Variants in MUL1 observed in about 807,000 individuals in gnomAD.
MUL1 encodes mitochondrial E3 ubiquitin protein ligase 1.
MUL1 carries 30 observed loss-of-function variants against 34.1 expected under a neutral mutation model. The observed-to-expected ratio is 0.88, with a 90% CI of 0.66 to 1.19. The LOEUF is 1.19. MUL1 is among the 50% of genes most tolerant of loss of function. The probability of loss-of-function intolerance (pLI) is 0.00; values close to 1 mark genes in which losing one functional copy is unlikely to be tolerated. For synonymous variants in MUL1, 191 were observed against 187.8 expected, an observed-to-expected ratio of 1.02 and a Z score of -0.14; for missense variants, 419 against 450.5, an observed-to-expected ratio of 0.93 and a Z score of 0.63.
chr1:20,501,080 G>C lies in MUL1; in HGVS notation c.669C>G (p.Ser223Arg), dbSNP rs2051654003. The change falls in exon 4 of 4, where the codon AGC becomes AGG. Residue 223 changes from serine (S) to arginine (R), a missense_variant. By Grantham distance (110) the Ser-to-Arg change is moderately radical (BLOSUM62 -1). Transcript: ENST00000264198. The surrounding 1 kb of genome is among the most constrained non-coding windows in gnomAD (Gnocchi z 4.2). Reference protein sequence around the residue: ...PKQGMQYYLSSQDFDSLLQRQ... With the variant: ...PKQGMQYYLSRQDFDSLLQRQ... ...TCTGCAGCAGGCTGTCGAAGTCCTG[G>C]CTGCTTAGATAGTACTGCATGCCTT... 6.2e-7 allele frequency: 1 copy of C among 1,614,156 alleles called. No homozygotes were observed. The highest frequency in any genetic ancestry group is 8.5e-7 in the Non-Finnish European group (1 of 1,180,044).
chr1:20,507,473 T>A (rs1189174771), intron 1 of MUL1, among the ~76,000 whole-genome samples: 1 of 152,168 alleles, frequency 6.6e-6, no homozygotes, highest in East Asian at 1.9e-4. Context: ...TCCCCCTTTC[T>A]CCAGCATTCC....
Position 20,500,961 on chromosome 1 carries a change from T to TA in MUL1, c.787dup (p.Tyr263LeufsTer21), listed in dbSNP as rs1380833532. On this transcript the variant is annotated frameshift_variant, in exon 4 of 4. Transcript: ENST00000264198. LOFTEE classifies it high-confidence loss of function. ...GCGCAGGCGCTCCTGCCGCTGCAGA[T>TA]ACTGCTTCCGGAGAATGAAGAAGAG... is the stretch of plus-strand genomic sequence containing the variant. 3 of 1,613,982 alleles carry TA rather than the reference T, an allele frequency of 1.9e-6. No individual in the cohort carries two copies. The highest frequency in any genetic ancestry group is 2.5e-6 in the Non-Finnish European group (3 of 1,180,054).
At chr1:20,507,464 C>G (rs146336123) in intron 1 of MUL1, among the ~76,000 whole-genome samples, 2 of 152,150 alleles carry the variant, frequency 1.3e-5, no homozygotes, top group Admixed American at 6.5e-5. Flanking sequence ...GATAGGAGAT[C>G]CCCCTTTCTC....
chr1:20,503,228 T>A lies in MUL1; in HGVS notation c.202A>T (p.Ile68Leu). Residue 68 changes from isoleucine to leucine, a missense_variant, in exon 2 of 4, where the codon ATA becomes TTA. By Grantham distance (5) the Ile-to-Leu change is conservative. Coordinates refer to ENST00000264198, the MANE Select transcript of MUL1 (RefSeq NM_024544.3). ...APGKCVPYAV[I>L]EGAVRSVKET... Reference sequence around the variant, plus strand: ...GACCAATAAGCAAACATACCTTCTATAACAGCATAAGGCACGCATTTTCCT... The same window carrying A: ...GACCAATAAGCAAACATACCTTCTAAAACAGCATAAGGCACGCATTTTCCT... 6.3e-7 allele frequency: 1 copy of A among 1,598,672 alleles called. No homozygotes were observed. The highest frequency in any genetic ancestry group is 2.2e-5 in the East Asian group (1 of 44,718).
chr1:20,502,164 C>T lies in MUL1; in HGVS notation c.234G>A (p.Thr78=), dbSNP rs201039729. The change falls in exon 3 of 4, where the codon ACG becomes ACA. Residue 78 remains threonine (T), a synonymous_variant. Coordinates refer to ENST00000264198, the MANE Select transcript of MUL1 (RefSeq NM_024544.3). ...IEGAVRSVKE[T]LNSQFVENCK... ...AGTTTTCCACAAACTGGCTGTTAAG[C>T]GTTTCTTTAACAGACCGCACAGCTC... is the stretch of plus-strand genomic sequence containing the variant. 3.1e-6 allele frequency: 5 copies of T among 1,614,124 alleles called. No individual in the cohort carries two copies. Among genetic ancestry groups the T allele is most frequent in the Non-Finnish European group, 3.4e-6 (4 of 1,180,018 alleles).
intron 1 of MUL1, 46 bp from the exon 2 acceptor site, chr1:20,503,355 C>T (rs202224328): frequency 1.8e-6 from 2 of 1,113,454 alleles, no homozygotes; most frequent in East Asian, 5.1e-5. Context: ...TGAACACTGA[C>T]ATGCTCAATC....
rs2051644493 is a variant in MUL1 at position 20,500,613 on chromosome 1, T to A, written c.*77A>T. On this transcript the variant is annotated 3_prime_UTR_variant, in exon 4 of 4. Transcript: ENST00000264198. ...TGACAGCTACCCCCACCACTGCTCCTCCAAAGGCCTCGAGATAAAAATCCC... is the reference window on the plus strand; with the variant it reads ...TGACAGCTACCCCCACCACTGCTCCACCAAAGGCCTCGAGATAAAAATCCC... 2.0e-6 allele frequency: 3 copies of A among 1,506,958 alleles called. No homozygotes were observed. The highest frequency in any genetic ancestry group is 2.8e-5 in the African/African-American group (2 of 71,608). The allele number at this position is 1,506,958 out of a possible 1,614,324, so 93.3% of individuals were successfully genotyped here.
intron 1 of MUL1, among the ~76,000 whole-genome samples, chr1:20,504,479 C>T (rs114440315): frequency 6.6e-6 from 1 of 152,178 alleles, no homozygotes; most frequent in Admixed American, 6.5e-5. Flanking sequence ...GATTCAGTAA[C>T]CTCTAAAGAG....
In MUL1 at chr1:20,501,378, A is replaced by T; in HGVS notation, c.371T>A (p.Val124Glu). The T allele has an allele frequency of 6.2e-7, 1 of 1,614,086 alleles. No individual in the cohort carries two copies. The highest frequency in any genetic ancestry group is 8.5e-7 in the Non-Finnish European group (1 of 1,180,022). Residue 124 changes from valine (V) to glutamate (E), a missense_variant, in exon 4 of 4, where the codon GTG (valine) becomes GAG (glutamate). Transcript: ENST00000264198. The surrounding 1 kb of genome is among the most constrained non-coding windows in gnomAD (Gnocchi z 4.2). Reference protein sequence around the residue: ...SKIIHQRTNTVPFDLVPHEDG... With the variant: ...SKIIHQRTNTEPFDLVPHEDG... ...CTCGTGGGGCACCAGGTCAAAGGGC[A>T]CTGTGTTGGTCCTCTGATGAATGAT...
chr1:20,507,387 C>T (rs985127480), intron 1 of MUL1, among the ~76,000 whole-genome samples: 1 of 152,198 alleles, frequency 6.6e-6, no homozygotes, highest in African/African-American at 2.4e-5. Flanking sequence ...CCTTCCATCT[C>T]CCGCTAGATA....
At chr1:20,504,307 C>A (rs1247047020) in intron 1 of MUL1, among the ~76,000 whole-genome samples, 1 of 152,182 alleles carries the variant, frequency 6.6e-6, no homozygotes, top group Non-Finnish European at 1.5e-5. Flanking sequence ...GGAAACCAAT[C>A]CTGTTACTGC....
chr1:20,507,890 G>A lies in MUL1; in HGVS notation c.120+15C>T. 1.9e-6 allele frequency: 3 copies of A among 1,595,610 alleles called. No individual in the cohort carries two copies. The highest frequency in any genetic ancestry group is 2.3e-5 in the East Asian group (1 of 44,168). On this transcript the variant is annotated intron_variant, in intron 1 of 3. Transcript: ENST00000264198. Reference sequence around the variant, plus strand: ...GAGATGACCCGGCTGAGGCCAGGCCGGCTCCAGCACTGACCTTGAGCTCTT... The same window carrying A: ...GAGATGACCCGGCTGAGGCCAGGCCAGCTCCAGCACTGACCTTGAGCTCTT...
At chr1:20,506,106 G>A (rs897961814) in intron 1 of MUL1, among the ~76,000 whole-genome samples, 1 of 152,064 alleles carries the variant, frequency 6.6e-6, no homozygotes, top group African/African-American at 2.4e-5. Context: ...ATGGAGTCCT[G>A]CTCTTGTCAC....
rs1353868386 is a variant in MUL1, at chr1:20,500,612, C to T, written c.*78G>A. ...GTGACAGCTACCCCCACCACTGCTC[C>T]TCCAAAGGCCTCGAGATAAAAATCC... On this transcript the variant is annotated 3_prime_UTR_variant, in exon 4 of 4. Coordinates refer to ENST00000264198, the MANE Select transcript of MUL1 (RefSeq NM_024544.3). 1.3e-6 allele frequency: 2 copies of T among 1,505,158 alleles called. No individual in the cohort carries two copies. The highest frequency in any genetic ancestry group is 1.8e-6 in the Non-Finnish European group (2 of 1,128,060). 93.2% of individuals were successfully genotyped at this position (1,505,158 alleles called of 1,614,324 possible).
At chr1:20,505,582 CAAAAAAAAAAA>C (rs11338654) in intron 1 of MUL1, among the ~76,000 whole-genome samples, 4 of 57,158 alleles carry the variant, frequency 7.0e-5, no homozygotes, top group Admixed American at 2.4e-4. Flanking sequence ...GACCATGTCT[CAAAAAAAAAAA>C]AAAAAAAAAA....
chr1:20,500,424 T>G lies in MUL1; in HGVS notation c.*266A>C. 2.5e-6 allele frequency: 1 copy of G among 399,324 alleles called. No individual in the cohort carries two copies. Among genetic ancestry groups the G allele is most frequent in the Non-Finnish European group, 4.5e-6 (1 of 220,622 alleles). The allele number at this position is 399,324 out of a possible 1,614,324, so 24.7% of individuals were successfully genotyped here. On this transcript the variant is annotated 3_prime_UTR_variant, in exon 4 of 4. Transcript: ENST00000264198. ...GCATTTTCAGTCACACTCGCACTGA[T>G]CTGGCTCCTGGGAGGAGACGCCACG... is the stretch of plus-strand genomic sequence containing the variant.
At chr1:20,502,379 T>G (rs373697598) in intron 2 of MUL1, among the ~76,000 whole-genome samples, 190 bp from the exon 3 acceptor site, 3 of 152,204 alleles carry the variant, frequency 2.0e-5, no homozygotes, top group African/African-American at 7.2e-5. Flanking sequence ...TGAGATTCCA[T>G]CTTTACAAAA....
chr1:20,502,528 G>C (rs1464464731), intron 2 of MUL1, among the ~76,000 whole-genome samples: 1 of 152,170 alleles, frequency 6.6e-6, no homozygotes, highest in Non-Finnish European at 1.5e-5. Flanking sequence ...CAGCTACCTG[G>C]GTGACAGAGC....
intron 1 of MUL1, among the ~76,000 whole-genome samples, chr1:20,505,706 GAAATAGA>G (rs2051707904): frequency 6.6e-6 from 1 of 151,172 alleles, no homozygotes; most frequent in Admixed American, 6.6e-5. Context: ...AGAGAGGAAG[GAAATAGA>G]AAATAGAATC....
Sources: gnomAD v4.1 joint callset for allele counts (sites outside exome capture counted in the v4.1 genomes callset) on GRCh38, gnomAD v4.1.1 for gene constraint, Gnocchi (gnomAD v3.1) non-coding constraint, MANE v1.5 for transcripts, NCBI Gene and HGNC (gene_info 2026-07-23, HGNC 2026-07-21) for gene names.